Variants in ASCL3 observed in about 807,000 individuals in gnomAD.
ASCL3 encodes the protein achaete-scute homolog 3.
Under a neutral mutation model 2.3 loss-of-function variants are expected in ASCL3, and 1 was observed. The ratio of observed to expected loss-of-function variants is 0.44; its 90% CI spans 0.16 to 2.10. The LOEUF is 2.10. Among genes scored for constraint, ASCL3 ranks in the 30% most tolerant of loss-of-function variants. The pLI is 0.28. For synonymous variants in ASCL3, 98 were observed against 88.5 expected, an observed-to-expected ratio of 1.11 and a Z score of -0.60; for missense variants, 243 against 229.0, an observed-to-expected ratio of 1.06 and a Z score of -0.40.
intron 1 of ASCL3, among the ~76,000 whole-genome samples, chr11:8,942,643 A>T (rs1853718965): frequency 6.6e-6 from 1 of 152,184 alleles, no homozygotes; most frequent in Non-Finnish European, 1.5e-5. Context: ...ATAAAAAGCT[A>T]CAACTGCCGA....
chr11:8,942,536 G>T (rs767504189), intron 1 of ASCL3, among the ~76,000 whole-genome samples: 1 of 152,114 alleles, frequency 6.6e-6, no homozygotes, highest in Non-Finnish European at 1.5e-5. Context: ...AATAAATGAT[G>T]AGGTCTTAAT....
At chr11:8,939,302 G>C (rs2064695200) in intron 1 of ASCL3, among the ~76,000 whole-genome samples, 1 of 152,048 alleles carries the variant, frequency 6.6e-6, no homozygotes, top group South Asian at 2.1e-4. Context: ...GCAGTGGCAC[G>C]ATCTCGGCTC....
intron 1 of ASCL3, among the ~76,000 whole-genome samples, chr11:8,941,509 T>C (rs922207629): frequency 6.6e-6 from 1 of 151,732 alleles, no homozygotes; most frequent in Admixed American, 6.6e-5. Context: ...GTCAGGGGAC[T>C]AGGGAAACAG....
intron 1 of ASCL3, among the ~76,000 whole-genome samples, 193 bp downstream of exon 1, chr11:8,942,790 CCTT>C (rs934776477): frequency 6.6e-6 from 1 of 152,148 alleles, no homozygotes; most frequent in African/African-American, 2.4e-5. Context: ...AATCAAAACT[CCTT>C]CTGCTCTTCT....
intron 1 of ASCL3, among the ~76,000 whole-genome samples, chr11:8,939,350 C>T (rs985325164): frequency 5.9e-5 from 9 of 152,194 alleles, no homozygotes; most frequent in East Asian, 5.8e-4. Flanking sequence ...AGTGATTCTC[C>T]TGCCTCAGCC....
At chr11:8,939,811 A>G (rs963588027) in intron 1 of ASCL3, among the ~76,000 whole-genome samples, 35 of 152,250 alleles carry the variant, frequency 2.3e-4, no homozygotes, top group African/African-American at 7.7e-4. Context: ...AATACAAATA[A>G]AAAAGGAATC....
chr11:8,942,261 A>G lies in ASCL3; in HGVS notation c.-13+725T>C, dbSNP rs531084177. Among the ~76,000 whole-genome samples, 49 of 152,298 alleles carry G rather than the reference A, an allele frequency of 3.2e-4. No homozygotes were observed. The South Asian group carries it at 9.9e-3, about 31-fold the overall frequency. On this transcript the variant is annotated intron_variant, in intron 1 of 1. Transcript: ENST00000531618. ...CAATAAGTTCACCAATCAATGTACTAGCATTTAAATATGATCACCTTTTAT... is the reference window on the plus strand; with the variant it reads ...CAATAAGTTCACCAATCAATGTACTGGCATTTAAATATGATCACCTTTTAT...
chr11:8,941,899 G>T (rs1250061303), intron 1 of ASCL3, among the ~76,000 whole-genome samples: 1 of 152,098 alleles, frequency 6.6e-6, no homozygotes, highest in Non-Finnish European at 1.5e-5. Context: ...CAAAATGGTG[G>T]CAAATGGGTG....
Position 8,938,094 on chromosome 11 carries a change from A to G in ASCL3, c.68T>C (p.Leu23Ser). 6.2e-7 allele frequency: 1 copy of G among 1,613,932 alleles called. No individual in the cohort carries two copies. The highest frequency in any genetic ancestry group is 1.1e-5 in the South Asian group (1 of 91,060). ...KLPIFPDSAR[L>S]PLTRSFYLEP... ...CAGATAGAAGGACCTGGTCAGTGGC[A>G]AGCGGGCAGAATCAGGGAAGATAGG... Residue 23 changes from leucine (L) to serine (S), a missense_variant, in exon 2 of 2, where the codon TTG becomes TCG. Leu to Ser is a moderately radical substitution (Grantham distance 145). Transcript: ENST00000531618.
chr11:8,938,772 T>C (rs2134848611), intron 1 of ASCL3, among the ~76,000 whole-genome samples: 1 of 151,914 alleles, frequency 6.6e-6, no homozygotes, highest in East Asian at 1.9e-4. Flanking sequence ...GCTGAGAATG[T>C]GTCTTCCACA....
chr11:8,941,591 A>G (rs1043933619), intron 1 of ASCL3, among the ~76,000 whole-genome samples: 13 of 152,076 alleles, frequency 8.5e-5, no homozygotes, highest in African/African-American at 2.9e-4. Flanking sequence ...AGTCATGGTG[A>G]AAGAGGCTGG....
At chr11:8,939,551 T>A (rs1206994697) in intron 1 of ASCL3, among the ~76,000 whole-genome samples, 1 of 152,174 alleles carries the variant, frequency 6.6e-6, no homozygotes, top group Non-Finnish European at 1.5e-5. Context: ...AAGGTTTGTC[T>A]TAAAACTAAA....
chr11:8,939,714 G>C (rs1386765132), intron 1 of ASCL3, among the ~76,000 whole-genome samples: 1 of 152,238 alleles, frequency 6.6e-6, no homozygotes, highest in South Asian at 2.1e-4. Flanking sequence ...ATATATGCAA[G>C]GGAAATTATG....
At chr11:8,941,328 AACACACACACACATAC>A (rs1039443248) in intron 1 of ASCL3, among the ~76,000 whole-genome samples, 4 of 116,244 alleles carry the variant, frequency 3.4e-5, no homozygotes, top group African/African-American at 1.1e-4. Flanking sequence ...TGGCATACTA[AACACACACACACATAC>A]ACACACACAC....
intron 1 of ASCL3, among the ~76,000 whole-genome samples, chr11:8,939,229 G>C (rs536248026): frequency 6.6e-6 from 1 of 151,918 alleles, no homozygotes; most frequent in Admixed American, 6.6e-5. Flanking sequence ...TTATGGTAGC[G>C]ACATAAAGTT....
chr11:8,940,510 A>G (rs1476684308), intron 1 of ASCL3, among the ~76,000 whole-genome samples: 1 of 152,052 alleles, frequency 6.6e-6, no homozygotes, highest in African/African-American at 2.4e-5. Context: ...TTTTTCTCTC[A>G]GTCATAACAC....
chr11:8,942,298 A>C (rs927043630), intron 1 of ASCL3, among the ~76,000 whole-genome samples: 1 of 152,198 alleles, frequency 6.6e-6, no homozygotes, highest in Admixed American at 6.5e-5. Context: ...CAAAGAAGAA[A>C]ATTTAAGGCA....
intron 1 of ASCL3, 43 bp from the exon 2 acceptor site, chr11:8,938,216 C>T (rs909696346): frequency 2.5e-5 from 35 of 1,411,172 alleles, no homozygotes; most frequent in Middle Eastern, 3.9e-4. Context: ...AGATAGAGAG[C>T]AGATATGATC....
At position 8,938,087 on chromosome 11, in the gene ASCL3, C is replaced by G. The variant is rs1269355784; in HGVS notation, c.75G>C (p.Leu25=). The G allele has an allele frequency of 1.2e-6, 2 of 1,613,780 alleles. No individual in the cohort carries two copies. The highest frequency in any genetic ancestry group is 1.7e-6 in the Non-Finnish European group (2 of 1,179,898). Residue 25 remains leucine (L), a synonymous_variant, in exon 2 of 2, where the codon CTG becomes CTC. Coordinates refer to ENST00000531618, the MANE Select transcript of ASCL3 (RefSeq NM_020646.3). ...TGGGCTCCAGATAGAAGGACCTGGT[C>G]AGTGGCAAGCGGGCAGAATCAGGGA... ...PIFPDSARLP[L]TRSFYLEPMV...
Sources: allele counts gnomAD v4.1 joint callset (sites outside exome capture counted in the v4.1 genomes callset), GRCh38; gene constraint gnomAD v4.1.1; transcripts MANE v1.5; gene names NCBI Gene and HGNC (gene_info 2026-07-23, HGNC 2026-07-21).